Variants in MYO1D observed in about 807,000 individuals in gnomAD.
MYO1D encodes the protein unconventional myosin-Id.
In MYO1D, 83 loss-of-function variants were observed where a neutral mutation model predicts 122.0. The ratio of observed to expected loss-of-function variants is 0.68; its 90% CI spans 0.57 to 0.82. MYO1D has a LOEUF of 0.82. Among genes scored for constraint, MYO1D ranks in the 40% least tolerant of loss-of-function variants. The probability of loss-of-function intolerance (pLI) is 0.00; values close to 1 mark genes in which losing one functional copy is unlikely to be tolerated. For synonymous variants in MYO1D, 464 were observed against 446.9 expected (o/e 1.04, Z -0.48); for missense variants, 1,157 against 1,269.5 (o/e 0.91, Z 1.35).
chr17:32,499,000 G>C (rs1458148953), intron 21 of MYO1D: 1 of 152,028 alleles, frequency 6.6e-6, no homozygotes, highest in East Asian at 1.9e-4. Flanking sequence ...TCAGGAGTTT[G>C]AGACCAGCCT....
In MYO1D at chr17:32,765,169, G is replaced by C; in HGVS notation, c.832-88C>G. Reference sequence around the variant, plus strand: ...TATAAAATACAATTCAGGTGACCTTGTTTGTACCTATTTTCCTAAATACAT... The same window carrying C: ...TATAAAATACAATTCAGGTGACCTTCTTTGTACCTATTTTCCTAAATACAT... On this transcript the variant is annotated intron_variant, in intron 7 of 21. Coordinates refer to ENST00000318217, the MANE Select transcript of MYO1D (RefSeq NM_015194.3). 7 of 1,067,616 alleles carry C rather than the reference G, an allele frequency of 6.6e-6. No homozygotes were observed. In the South Asian group the frequency reaches 1.0e-4, roughly 15 times the overall value. The allele number at this position is 1,067,616 out of a possible 1,614,324, so 66.1% of individuals were successfully genotyped here.
chr17:32,580,408 ATTTT>A (rs570107348), intron 21 of MYO1D, among the ~76,000 whole-genome samples: 1 of 74,806 alleles, frequency 1.3e-5, no homozygotes, highest in Non-Finnish European at 2.4e-5. Flanking sequence ...TATCTGGTGA[ATTTT>A]TTTTTTTTTT....
intron 14 of MYO1D, among the ~76,000 whole-genome samples, chr17:32,737,034 C>G (rs930162320): frequency 3.3e-5 from 5 of 152,100 alleles, no homozygotes; most frequent in Non-Finnish European, 7.3e-5. Flanking sequence ...AAAGCGACCG[C>G]ACAGATGTGT....
intron 1 of MYO1D, among the ~76,000 whole-genome samples, chr17:32,846,940 T>C (rs2090942514): frequency 6.6e-6 from 1 of 152,118 alleles, no homozygotes; most frequent in South Asian, 2.1e-4. Context: ...TAAGCTATGA[T>C]CACACCACTG....
intron 16 of MYO1D, among the ~76,000 whole-genome samples, chr17:32,670,422 T>C (rs1303243288): frequency 6.6e-6 from 1 of 152,078 alleles, no homozygotes; most frequent in African/African-American, 2.4e-5. Context: ...TACACAGATA[T>C]ACACATATAC....
Position 32,595,370 on chromosome 17 carries a change from A to G in MYO1D, c.2864+9717T>C, listed in dbSNP as rs185909459. Among the ~76,000 whole-genome samples the G allele has an allele frequency of 2.7e-3, 404 of 152,320 alleles. 1 individual carries two copies. Among genetic ancestry groups the G allele is most frequent in the African/African-American group, 9.4e-3 (392 of 41,564 alleles). On this transcript the variant is annotated intron_variant, in intron 21 of 21. Coordinates refer to ENST00000318217, the MANE Select transcript of MYO1D (RefSeq NM_015194.3). ...AAAGAAATGATAAATGTCTGAGGTGATAGATATGCTAATTACCTTGATTTG... is the reference window on the plus strand; with the variant it reads ...AAAGAAATGATAAATGTCTGAGGTGGTAGATATGCTAATTACCTTGATTTG...
intron 16 of MYO1D, among the ~76,000 whole-genome samples, chr17:32,704,246 G>A (rs1017898101): frequency 2.4e-4 from 37 of 152,188 alleles, no homozygotes; most frequent in African/African-American, 8.9e-4. Flanking sequence ...TGTGCATTAT[G>A]AAAGGTAGAG....
At chr17:32,584,009 T>C (rs544706783) in intron 21 of MYO1D, among the ~76,000 whole-genome samples, 1 of 152,204 alleles carries the variant, frequency 6.6e-6, no homozygotes, top group African/African-American at 2.4e-5. Flanking sequence ...TCTGTGGCAG[T>C]TCTGGGCTGC....
intron 1 of MYO1D, among the ~76,000 whole-genome samples, chr17:32,818,306 C>G (rs573223977): frequency 9.9e-5 from 15 of 152,020 alleles, no homozygotes; most frequent in African/African-American, 3.4e-4. Flanking sequence ...CGCTGCTGCC[C>G]CTGCAGTCTC....
At chr17:32,556,532 CA>C (rs1283815129) in intron 21 of MYO1D, among the ~76,000 whole-genome samples, 1 of 149,506 alleles carries the variant, frequency 6.7e-6, no homozygotes, top group Non-Finnish European at 1.5e-5. Context: ...ACCGTGCAGA[CA>C]CAGGGTTTAT....
chr17:32,738,879 G>A lies in MYO1D; in HGVS notation c.1614-494C>T, dbSNP rs560088528. Reference sequence around the variant, plus strand: ...GCCTGCTCTTTAAAAAAAAACACAGGTAGGAATATAAAATAACCATTTTTA... The same window carrying A: ...GCCTGCTCTTTAAAAAAAAACACAGATAGGAATATAAAATAACCATTTTTA... On this transcript the variant is annotated intron_variant, in intron 13 of 21. Coordinates refer to ENST00000318217, the MANE Select transcript of MYO1D (RefSeq NM_015194.3). Among the ~76,000 whole-genome samples the A allele has an allele frequency of 1.9e-3, 284 of 152,034 alleles. 3 individuals are homozygous for A. Among genetic ancestry groups the A allele is most frequent in the Non-Finnish European group, 1.2e-3 (79 of 67,960 alleles).
chr17:32,872,549 C>T (rs1174571646), intron 1 of MYO1D, among the ~76,000 whole-genome samples: 3 of 151,978 alleles, frequency 2.0e-5, no homozygotes, highest in Admixed American at 1.3e-4. Context: ...GCTGGGATTA[C>T]AGGCGTGAGC....
At chr17:32,542,754 T>C (rs1341806801) in intron 21 of MYO1D, among the ~76,000 whole-genome samples, 1 of 152,112 alleles carries the variant, frequency 6.6e-6, no homozygotes, top group Non-Finnish European at 1.5e-5. Context: ...ATATTTCCTG[T>C]ATAAGCACAG....
chr17:32,666,405 A>G (rs2088635880), intron 16 of MYO1D, among the ~76,000 whole-genome samples: 1 of 152,190 alleles, frequency 6.6e-6, no homozygotes. Context: ...TCGTAGGTTT[A>G]TCCAATTTTT....
chr17:32,603,604 C>T (rs1288926916), intron 21 of MYO1D, among the ~76,000 whole-genome samples: 1 of 147,780 alleles, frequency 6.8e-6, no homozygotes, highest in Admixed American at 6.9e-5. Context: ...TGGCTCACAG[C>T]AAGCTCCGCC....
At chr17:32,570,884 C>G (rs1471779732) in intron 21 of MYO1D, among the ~76,000 whole-genome samples, 1 of 152,132 alleles carries the variant, frequency 6.6e-6, no homozygotes, top group Non-Finnish European at 1.5e-5. Flanking sequence ...TCTATTAATA[C>G]TATAGATATG....
At chr17:32,854,212 A>T (rs2091010689) in intron 1 of MYO1D, among the ~76,000 whole-genome samples, 1 of 152,242 alleles carries the variant, frequency 6.6e-6, no homozygotes, top group African/African-American at 2.4e-5. Context: ...GCAATAGGTA[A>T]CCCTTGGGAA....
intron 21 of MYO1D, among the ~76,000 whole-genome samples, chr17:32,537,649 C>T (rs1201031412): frequency 2.6e-5 from 4 of 152,064 alleles, no homozygotes; most frequent in African/African-American, 9.7e-5. Context: ...ATGAAATGAC[C>T]AGTTTGAACT....
At chr17:32,681,195 A>C (rs1598002135) in intron 16 of MYO1D, among the ~76,000 whole-genome samples, 1 of 151,952 alleles carries the variant, frequency 6.6e-6, no homozygotes, top group African/African-American at 2.4e-5. Context: ...CTCTTTTCAA[A>C]AAACCAGCTC....
Sources: gnomAD v4.1 joint callset for allele counts (sites outside exome capture counted in the v4.1 genomes callset) on GRCh38, gnomAD v4.1.1 for gene constraint, MANE v1.5 for transcripts, NCBI Gene and HGNC (gene_info 2026-07-23, HGNC 2026-07-21) for gene names.